TTC39B: variants seen among roughly 807,000 people sequenced by gnomAD.
TTC39B encodes tetratricopeptide repeat protein 39B.
TTC39B carries 92 observed loss-of-function variants against 96.6 expected under a neutral mutation model. The ratio of observed to expected loss-of-function variants is 0.95; its 90% CI spans 0.80 to 1.13. TTC39B has a LOEUF of 1.13. TTC39B is among the 50% of genes most tolerant of loss of function. The pLI, the probability that TTC39B is intolerant of heterozygous loss-of-function variation, is 0.00. For synonymous variants in TTC39B, 367 were observed against 299.4 expected (o/e 1.23, Z -2.33); for missense variants, 955 against 809.3 (o/e 1.18, Z -2.18).
At chr9:15,218,776 G>A (rs578226507) in intron 3 of TTC39B, among the ~76,000 whole-genome samples, 1 of 151,912 alleles carries the variant, frequency 6.6e-6, no homozygotes, top group South Asian at 2.1e-4. Context: ...GAGCATCTGG[G>A]CTCTGGAATC....
chr9:15,232,940 A>C (rs1336738247), intron 2 of TTC39B, among the ~76,000 whole-genome samples: 2 of 152,172 alleles, frequency 1.3e-5, no homozygotes, highest in African/African-American at 4.8e-5. Flanking sequence ...GCACGGTTCG[A>C]ACACTCTGGG....
At chr9:15,255,608 G>C (rs1822723598) in intron 2 of TTC39B, among the ~76,000 whole-genome samples, 1 of 151,956 alleles carries the variant, frequency 6.6e-6, no homozygotes, top group Non-Finnish European at 1.5e-5. Flanking sequence ...AAGGATGTCA[G>C]GTGAAACAGG....
chr9:15,199,689 T>C (rs924186357), intron 8 of TTC39B, among the ~76,000 whole-genome samples, 172 bp downstream of exon 8: 3 of 119,160 alleles, frequency 2.5e-5, no homozygotes, highest in Non-Finnish European at 4.8e-5. Context: ...GAGCCGAGAT[T>C]GCGCCACTGC....
chr9:15,175,837 C>T (rs968182287), intron 18 of TTC39B, among the ~76,000 whole-genome samples: 8 of 152,128 alleles, frequency 5.3e-5, no homozygotes, highest in Non-Finnish European at 4.4e-5. Context: ...CTTGGGCCCA[C>T]AGAAAGCAGG....
chr9:15,226,001 G>C lies in TTC39B; in HGVS notation c.287C>G (p.Ser96Ter), dbSNP rs942843169. Reference sequence around the variant, plus strand: ...GTGAAGGCTGCTTGTTGCCATATCTGAGTGAGAAGATCTGTTAATTAAAAA... The same window carrying C: ...GTGAAGGCTGCTTGTTGCCATATCTCAGTGAGAAGATCTGTTAATTAAAAA... The change falls in exon 3 of 20, where the codon TCA becomes TGA. Residue 96 changes from serine (S) to a stop codon, truncating the protein, a stop_gained. Transcript: ENST00000512701. LOFTEE classifies it high-confidence loss of function. 8.7e-6 allele frequency: 14 copies of C among 1,613,504 alleles called. No individual in the cohort carries two copies. The highest frequency in any genetic ancestry group is 1.2e-5 in the Non-Finnish European group (14 of 1,179,628).
chr9:15,178,517 G>C (rs902451249), intron 17 of TTC39B, among the ~76,000 whole-genome samples: 1 of 152,230 alleles, frequency 6.6e-6, no homozygotes, highest in Non-Finnish European at 1.5e-5. Flanking sequence ...GGAGGCTGCA[G>C]TGAGCTATGA....
intron 2 of TTC39B, among the ~76,000 whole-genome samples, chr9:15,235,453 C>T (rs1205840180): frequency 6.6e-6 from 1 of 152,112 alleles, no homozygotes; most frequent in Non-Finnish European, 1.5e-5. Flanking sequence ...AGATACAAGA[C>T]ATTCAGAGAA....
intron 1 of TTC39B, among the ~76,000 whole-genome samples, chr9:15,295,184 A>G (rs1221251794): frequency 6.6e-6 from 1 of 152,234 alleles, no homozygotes; most frequent in Non-Finnish European, 1.5e-5. Context: ...TACCAGGGTC[A>G]GCAAACTTCC....
chr9:15,305,146 C>T (rs1302899849), intron 1 of TTC39B, among the ~76,000 whole-genome samples: 2 of 152,160 alleles, frequency 1.3e-5, no homozygotes, highest in Non-Finnish European at 2.9e-5. Flanking sequence ...AGCCCATTTA[C>T]GGTAAGGGAC....
intron 1 of TTC39B, among the ~76,000 whole-genome samples, chr9:15,272,795 C>G (rs1238064549): frequency 6.6e-6 from 1 of 152,168 alleles, no homozygotes; most frequent in African/African-American, 2.4e-5. Flanking sequence ...GGCTGAGCAC[C>G]CTTGTCTGGA....
chr9:15,255,651 G>C (rs1270357097), intron 2 of TTC39B, among the ~76,000 whole-genome samples: 1 of 152,016 alleles, frequency 6.6e-6, no homozygotes, highest in Non-Finnish European at 1.5e-5. Context: ...TGAGCTCACT[G>C]TATCCTTTAA....
rs750470164 is a variant in TTC39B at position 15,185,275 on chromosome 9, G to C, written c.1614+5C>G. 6.2e-7 allele frequency: 1 copy of C among 1,603,064 alleles called. No individual in the cohort carries two copies. Among genetic ancestry groups the C allele is most frequent in the South Asian group, 1.1e-5 (1 of 89,320 alleles). The stretch of plus-strand genomic sequence containing the variant: ...AGTACATGAAAAGAAAATAAAAGCA[G>C]ATACCAGGGCAGGTAAGATGAGCTT... On this transcript the variant is annotated splice_donor_5th_base_variant and intron_variant, in intron 16 of 19. Transcript: ENST00000512701.
At chr9:15,219,898 G>C (rs373803522) in intron 3 of TTC39B, among the ~76,000 whole-genome samples, 12 of 152,148 alleles carry the variant, frequency 7.9e-5, no homozygotes, top group African/African-American at 2.9e-4. Context: ...CTTTAGGGCT[G>C]AAATTCCATT....
Position 15,260,621 on chromosome 9 carries a change from G to A in TTC39B, c.275+7293C>T, listed in dbSNP as rs1306194696. On this transcript the variant is annotated intron_variant, in intron 2 of 19. Coordinates refer to ENST00000512701, the Ensembl canonical transcript of TTC39B. The stretch of plus-strand genomic sequence containing the variant: ...TCACCAACTGATCTAACCTAATGAG[G>A]GGAAAAAAAAAATGGCCCTAAAAGC... Among the ~76,000 whole-genome samples, 5 of 127,570 alleles carry A rather than the reference G, an allele frequency of 3.9e-5. No individual in the cohort carries two copies. In the East Asian group the frequency reaches 9.9e-4, roughly 25 times the overall value. 83.7% of individuals were successfully genotyped at this position (127,570 alleles called of 152,430 possible). A position where few individuals can be genotyped will look rare whatever the true frequency, so the allele number is the denominator to read the frequency against.
At chr9:15,177,739 C>G (rs576608143) in exon 18 of TTC39B, 5 of 1,613,408 alleles carry the variant, frequency 3.1e-6, no homozygotes, top group Non-Finnish European at 4.2e-6. Context: ...TTGCAAGGGC[C>G]GCTGTAAGTT....
chr9:15,214,123 A>G lies in TTC39B; in HGVS notation c.482+16T>C. On this transcript the variant is annotated intron_variant, in intron 4 of 19. Transcript: ENST00000512701. ...ATCTGAAAGATATTTTATCTAAAAG[A>G]GACAAAGTAAATTACCAGGGGCGAA... The G allele has an allele frequency of 6.4e-7, 1 of 1,571,924 alleles. No individual in the cohort carries two copies.
chr9:15,174,276 C>T, intron 19 of TTC39B, among the ~76,000 whole-genome samples: 1 of 151,976 alleles, frequency 6.6e-6, no homozygotes, highest in Non-Finnish European at 1.5e-5. Context: ...GTGTCTGACA[C>T]ATAATAGGTG....
chr9:15,280,723 G>A (rs1373473666), intron 1 of TTC39B, among the ~76,000 whole-genome samples: 1 of 152,308 alleles, frequency 6.6e-6, no homozygotes, highest in East Asian at 1.9e-4. Context: ...TGCTAGAAGA[G>A]GGTCAGGAGA....
intron 2 of TTC39B, among the ~76,000 whole-genome samples, chr9:15,252,090 G>C: frequency 6.6e-6 from 1 of 151,996 alleles, no homozygotes. Context: ...GAAAAGACCT[G>C]GTGTTGTGAA....
Sources: allele counts gnomAD v4.1 joint callset (sites outside exome capture counted in the v4.1 genomes callset), GRCh38; gene constraint gnomAD v4.1.1; transcripts MANE v1.5; gene names NCBI Gene and HGNC (gene_info 2026-07-23, HGNC 2026-07-21).